The following DEPTOR variants were observed in gnomAD, a reference collection of about 807,000 sequenced individuals.
DEPTOR encodes the protein DEP domain containing MTOR interacting protein, also known as DEP domain-containing mTOR-interacting protein.
DEPTOR carries 41 observed loss-of-function variants against 41.6 expected under a neutral mutation model. The ratio of observed to expected loss-of-function variants is 0.98; its 90% CI spans 0.77 to 1.28. The LOEUF is 1.28. Among genes scored for constraint, DEPTOR ranks in the 50% most tolerant of loss-of-function variants. The pLI, the probability that DEPTOR is intolerant of heterozygous loss-of-function variation, is 0.00. For synonymous variants in DEPTOR, 195 were observed against 192.3 expected (o/e 1.01, Z -0.12); for missense variants, 514 against 527.9 (o/e 0.97, Z 0.26).
chr8:119,989,392 C>T (rs1011693308), intron 4 of DEPTOR, among the ~76,000 whole-genome samples: 1 of 152,206 alleles, frequency 6.6e-6, no homozygotes, highest in Non-Finnish European at 1.5e-5. Context: ...AGACTCCACT[C>T]TCTTGTTTTG....
intron 4 of DEPTOR, among the ~76,000 whole-genome samples, chr8:119,998,111 T>C (rs926563075): frequency 6.6e-6 from 1 of 152,162 alleles, no homozygotes; most frequent in Non-Finnish European, 1.5e-5. Context: ...AAAAAAATAG[T>C]GGAGTCTTGC....
chr8:119,885,785 A>C (rs1242823060), intron 1 of DEPTOR, among the ~76,000 whole-genome samples: 1 of 152,228 alleles, frequency 6.6e-6, no homozygotes, highest in Non-Finnish European at 1.5e-5. Flanking sequence ...AGATTCCACA[A>C]TTAACATTTC....
At chr8:119,944,247 T>C (rs1828240545) in intron 3 of DEPTOR, among the ~76,000 whole-genome samples, 1 of 152,192 alleles carries the variant, frequency 6.6e-6, no homozygotes, top group African/African-American at 2.4e-5. Flanking sequence ...TCTCCTTGAG[T>C]GGACAGGCAG....
At chr8:119,956,625 T>C (rs1208427400) in intron 3 of DEPTOR, among the ~76,000 whole-genome samples, 1 of 150,896 alleles carries the variant, frequency 6.6e-6, no homozygotes, top group Non-Finnish European at 1.5e-5. Flanking sequence ...CAGGAGTCTG[T>C]GTCTGTGTCT....
intron 1 of DEPTOR, among the ~76,000 whole-genome samples, chr8:119,905,801 C>A (rs1827655599): frequency 6.6e-6 from 1 of 151,966 alleles, no homozygotes; most frequent in South Asian, 2.1e-4. Flanking sequence ...TGTCACTATG[C>A]CCAGCTAATT....
At chr8:119,929,634 G>C (rs1377808851) in intron 2 of DEPTOR, among the ~76,000 whole-genome samples, 181 bp from the exon 3 acceptor site, 1 of 151,964 alleles carries the variant, frequency 6.6e-6, no homozygotes, top group Non-Finnish European at 1.5e-5. Flanking sequence ...AAATACTGAG[G>C]ACTTACTCTG....
chr8:119,919,371 A>G (rs7005888), intron 1 of DEPTOR, among the ~76,000 whole-genome samples: 42,564 of 151,998 alleles, frequency 0.28, 6,400 homozygotes, highest in Middle Eastern at 0.4. Flanking sequence ...GTTCATTGCC[A>G]GTTAACCCAG....
Position 119,889,636 on chromosome 8 carries a change from G to T in DEPTOR, c.122+15668G>T, listed in dbSNP as rs573639764. 8.8e-3 allele frequency among the ~76,000 whole-genome samples: 892 copies of T among 101,548 alleles called. 34 individuals carry two copies. Among genetic ancestry groups the T allele is most frequent in the African/African-American group, 0.031 (832 of 26,450 alleles). The allele number at this position is 101,548 out of a possible 152,430, so 66.6% of individuals were successfully genotyped here. A position where few individuals can be genotyped will look rare whatever the true frequency, so the allele number is the denominator to read the frequency against. ...GGACGGGAGGGGAGGGAAGGGAAGGGGAGGGGAGGGGAGGATGGGGAGGGG... is the reference window on the plus strand; with the variant it reads ...GGACGGGAGGGGAGGGAAGGGAAGGTGAGGGGAGGGGAGGATGGGGAGGGG... On this transcript the variant is annotated intron_variant, in intron 1 of 8. Transcript: ENST00000286234.
At position 119,994,602 on chromosome 8, in the gene DEPTOR, C is replaced by T. The variant is rs974354979; in HGVS notation, c.605-6923C>T. On this transcript the variant is annotated intron_variant, in intron 4 of 8. Coordinates refer to ENST00000286234, the MANE Select transcript of DEPTOR (RefSeq NM_022783.4). ...ATAGGTAAAAGGATAACAAACTGCTCGGAGAAGGGCAATGTGTTCTTTAAA... is the reference window on the plus strand; with the variant it reads ...ATAGGTAAAAGGATAACAAACTGCTTGGAGAAGGGCAATGTGTTCTTTAAA... Among the ~76,000 whole-genome samples the T allele has an allele frequency of 3.0e-4, 46 of 151,976 alleles. 1 individual carries two copies. The highest frequency in any genetic ancestry group is 2.9e-3 in the Admixed American group (44 of 15,242).
chr8:119,957,231 G>A (rs1170655027), intron 3 of DEPTOR, among the ~76,000 whole-genome samples: 1 of 152,174 alleles, frequency 6.6e-6, no homozygotes, highest in Admixed American at 6.5e-5. Context: ...ATGTATAGCA[G>A]GAGAATGCAT....
intron 7 of DEPTOR, among the ~76,000 whole-genome samples, chr8:120,007,196 C>T (rs890676494): frequency 6.6e-5 from 10 of 152,066 alleles, no homozygotes; most frequent in Admixed American, 4.6e-4. Flanking sequence ...ACCTTAAAAT[C>T]TAATAATTTT....
rs1828837041 is a variant in DEPTOR, at chr8:119,986,899, C to T, written c.605-14626C>T. On this transcript the variant is annotated intron_variant, in intron 4 of 8. Coordinates refer to ENST00000286234, the MANE Select transcript of DEPTOR (RefSeq NM_022783.4). The stretch of plus-strand genomic sequence containing the variant: ...TTTATCAGGTTATATATATTCTTCT[C>T]GAAACTGGTTATTCTAGTTAGCAAT... Among the ~76,000 whole-genome samples, 5 of 151,748 alleles carry T rather than the reference C, an allele frequency of 3.3e-5. No individual in the cohort carries two copies. The South Asian group carries it at 8.3e-4, about 25-fold the overall frequency.
intron 3 of DEPTOR, among the ~76,000 whole-genome samples, chr8:119,931,932 CTTTTCCTTTTT>C (rs1828048825): frequency 6.7e-6 from 1 of 148,784 alleles, no homozygotes; most frequent in African/African-American, 2.5e-5. Context: ...TCTGTAAACG[CTTTTCCTTTTT>C]TTTTAATTAA....
At chr8:119,962,046 G>T (rs1828498792) in intron 3 of DEPTOR, among the ~76,000 whole-genome samples, 1 of 143,526 alleles carries the variant, frequency 7.0e-6, no homozygotes, top group African/African-American at 2.6e-5. Flanking sequence ...TTTGAGACCA[G>T]CATGGCCAAC....
chr8:119,893,945 T>A (rs1827482235), intron 1 of DEPTOR, among the ~76,000 whole-genome samples: 1 of 152,162 alleles, frequency 6.6e-6, no homozygotes, highest in Admixed American at 6.5e-5. Flanking sequence ...TAGACAGGTG[T>A]TGAGGGAAAG....
chr8:119,880,095 T>TGC (rs1563955198), intron 1 of DEPTOR, among the ~76,000 whole-genome samples: 1 of 150,984 alleles, frequency 6.6e-6, no homozygotes, highest in Non-Finnish European at 1.5e-5. Flanking sequence ...TGAGCCGAGA[T>TGC]TGCGCCACTG....
At position 119,901,531 on chromosome 8, in the gene DEPTOR, C is replaced by T. The variant is rs552856036; in HGVS notation, c.123-26869C>T. 2.2e-4 allele frequency among the ~76,000 whole-genome samples: 34 copies of T among 152,062 alleles called. No homozygotes were observed. In the South Asian group the frequency reaches 7.1e-3, roughly 32 times the overall value. ...CTCTACTAAAAATACAAAAAATTAG[C>T]TGTGTGTGGTGGCATGTGCCTATAG... On this transcript the variant is annotated intron_variant, in intron 1 of 8. Coordinates refer to ENST00000286234, the MANE Select transcript of DEPTOR (RefSeq NM_022783.4).
At chr8:119,928,783 G>T (rs1230795291) in intron 2 of DEPTOR, among the ~76,000 whole-genome samples, 1 of 141,606 alleles carries the variant, frequency 7.1e-6, no homozygotes, top group Non-Finnish European at 1.5e-5. Flanking sequence ...TAGAGACCGG[G>T]TTTCACCCTG....
At chr8:119,992,942 C>T (rs1474822152) in intron 4 of DEPTOR, among the ~76,000 whole-genome samples, 1 of 152,140 alleles carries the variant, frequency 6.6e-6, no homozygotes, top group African/African-American at 2.4e-5. Context: ...CAGGTGTGAG[C>T]CACTGCGCCC....
Sources: gnomAD v4.1 joint callset for allele counts (sites outside exome capture counted in the v4.1 genomes callset) on GRCh38, gnomAD v4.1.1 for gene constraint, MANE v1.5 for transcripts, NCBI Gene and HGNC (gene_info 2026-07-23, HGNC 2026-07-21) for gene names.